Variants in CLPB observed in about 807,000 individuals in gnomAD.
The protein encoded by CLPB is mitochondrial disaggregase.
In CLPB, 40 loss-of-function variants were observed where a neutral mutation model predicts 78.4. That is an observed-to-expected ratio of 0.51 (90% CI 0.40 to 0.66). CLPB has a LOEUF of 0.66. CLPB is among the 30% of genes least tolerant of loss of function. The pLI, the probability that CLPB is intolerant of heterozygous loss-of-function variation, is 0.00. For synonymous variants in CLPB, 333 were observed against 348.0 expected (o/e 0.96, Z 0.48); for missense variants, 780 against 886.9 (o/e 0.88, Z 1.53).
intron 9 of CLPB, 25 bp downstream of exon 9, chr11:72,307,174 A>G: frequency 3.7e-6 from 6 of 1,610,650 alleles, no homozygotes; most frequent in Non-Finnish European, 3.4e-6. Flanking sequence ...CGATCTGCAG[A>G]TCAGACCTAG....
At chr11:72,359,170 A>G (rs1342182251) in intron 4 of CLPB, 162 bp from the exon 5 acceptor site, 3 of 1,021,898 alleles carry the variant, frequency 2.9e-6, no homozygotes, top group East Asian at 2.5e-5. Context: ...GGGTAAGAAG[A>G]GGCAAAACAG....
Position 72,308,561 on chromosome 11 carries a change from A to C in CLPB, c.1032T>G (p.Pro344=). Residue 344 remains proline (P), a synonymous_variant, in exon 8 of 16, where the codon CCT becomes CCG. Transcript: ENST00000538039. ...KENGWYDEEH[P]LVFLFLGSSG... Reference sequence around the variant, plus strand: ...ATGATCCCAAGAAGAGGAAGACCAGAGGGTGTTCTTCATCGTACCAGCCAT... The same window carrying C: ...ATGATCCCAAGAAGAGGAAGACCAGCGGGTGTTCTTCATCGTACCAGCCAT... The C allele has an allele frequency of 6.2e-7, 1 of 1,614,180 alleles. No individual in the cohort carries two copies. Among genetic ancestry groups the C allele is most frequent in the Non-Finnish European group, 8.5e-7 (1 of 1,180,002 alleles).
At chr11:72,354,620 A>T (rs1421203441) in intron 5 of CLPB, 12 of 334,466 alleles carry the variant, frequency 3.6e-5, no homozygotes, top group Non-Finnish European at 2.1e-5. Flanking sequence ...CTCCCACCAC[A>T]CCTGCATTCA....
chr11:72,333,690 C>A (rs543305666), intron 5 of CLPB, among the ~76,000 whole-genome samples: 3 of 152,122 alleles, frequency 2.0e-5, no homozygotes, highest in East Asian at 1.9e-4. Context: ...GAGGGACAGG[C>A]GGCACTGGGG....
At chr11:72,395,828 C>T (rs764161377) in intron 3 of CLPB, among the ~76,000 whole-genome samples, 36 of 152,310 alleles carry the variant, frequency 2.4e-4, no homozygotes, top group Non-Finnish European at 3.4e-4. Flanking sequence ...ACCTGCTCCA[C>T]GTATAGCTAG....
At chr11:72,365,418 G>C (rs1443232926) in intron 4 of CLPB, among the ~76,000 whole-genome samples, 1 of 152,234 alleles carries the variant, frequency 6.6e-6, no homozygotes, top group Non-Finnish European at 1.5e-5. Flanking sequence ...GCTGGGAATA[G>C]TTGAAGAGAA....
chr11:72,293,279 G>T lies in CLPB; in HGVS notation c.*88C>A. ...CTGAGACTGGGTAGAGATGGGAGCG[G>T]CATGAGGGGAAGGTAAGTCAGTTGC... On this transcript the variant is annotated 3_prime_UTR_variant, in exon 16 of 16. Coordinates refer to ENST00000538039, the MANE Select transcript of CLPB (RefSeq NM_001258392.3). 1 of 1,496,972 alleles carries T rather than the reference G, an allele frequency of 6.7e-7. No homozygotes were observed. The highest frequency in any genetic ancestry group is 1.8e-5 in the Admixed American group (1 of 55,994). The allele number at this position is 1,496,972 out of a possible 1,614,324, so 92.7% of individuals were successfully genotyped here.
At position 72,312,126 on chromosome 11, in the gene CLPB, T is replaced by G. The variant is rs944254488; in HGVS notation, c.989-3522A>C. ...GACTTTAAATAAAACACTTATTCCT[T>G]TAGAGCCTCCGTTTCTTCCTCTATA... On this transcript the variant is annotated intron_variant, in intron 7 of 15. Coordinates refer to ENST00000538039, the MANE Select transcript of CLPB (RefSeq NM_001258392.3). This position sits in a 1 kb window ranked among gnomAD's most constrained non-coding sequence, Gnocchi z 4.2. Among the ~76,000 whole-genome samples, 1 of 152,192 alleles carries G rather than the reference T, an allele frequency of 6.6e-6. No homozygotes were observed. Among genetic ancestry groups the G allele is most frequent in the Non-Finnish European group, 1.5e-5 (1 of 68,034 alleles).
chr11:72,295,509 C>T lies in CLPB; in HGVS notation c.1469G>A (p.Arg490His), dbSNP rs568455218. The change falls in exon 12 of 16, where the codon CGT (arginine) becomes CAT (histidine). Residue 490 changes from arginine to histidine, a missense_variant. Arg to His is a conservative substitution (Grantham distance 29, BLOSUM62 0). Transcript: ENST00000538039. ...CGCCATACCCAGGTTTTCGGCAATA[C>T]GGTTACGGCTCATCTCCAAAGCTTC... ...RQEALEMSRNRIAENLGDVQI... is the reference protein window; with the variant it reads ...RQEALEMSRNHIAENLGDVQI... The T allele has an allele frequency of 2.1e-5, 34 of 1,614,070 alleles. No homozygotes were observed. The highest frequency in any genetic ancestry group is 1.2e-4 in the South Asian group (11 of 91,068).
At chr11:72,369,540 T>C (rs1485257598) in intron 4 of CLPB, among the ~76,000 whole-genome samples, 1 of 152,110 alleles carries the variant, frequency 6.6e-6, no homozygotes, top group Non-Finnish European at 1.5e-5. Context: ...ACTTGGTTGG[T>C]CAAACTTGGT....
At chr11:72,426,520 G>T (rs1856378966) in intron 2 of CLPB, among the ~76,000 whole-genome samples, 2 of 151,942 alleles carry the variant, frequency 1.3e-5, no homozygotes, top group African/African-American at 4.8e-5. Context: ...AGGGGAGAAG[G>T]GAGGAAATGG....
At chr11:72,341,605 G>A (rs1215288234) in intron 5 of CLPB, among the ~76,000 whole-genome samples, 1 of 152,176 alleles carries the variant, frequency 6.6e-6, no homozygotes, top group Non-Finnish European at 1.5e-5. Context: ...AAGTGAATGA[G>A]GACAGGTTTG....
chr11:72,295,353 A>G (rs543475536), intron 12 of CLPB, 139 bp downstream of exon 12: 3 of 818,982 alleles, frequency 3.7e-6, no homozygotes, highest in South Asian at 1.9e-5. Context: ...ATGGTGTCTG[A>G]TATCTGCTCA....
At position 72,434,499 on chromosome 11, in the gene CLPB, G is replaced by A; in HGVS notation, c.-25C>T. ...TCTTGACAGCTGCTTCGATAACCCC[G>A]TGGTGCCGGCCCCTGTGCTGACCAC... On this transcript the variant is annotated 5_prime_UTR_variant, in exon 1 of 16. It adds an upstream start codon to the 5' untranslated region. Coordinates refer to ENST00000538039, the MANE Select transcript of CLPB (RefSeq NM_001258392.3). The A allele has an allele frequency of 6.6e-7, 1 of 1,521,322 alleles. No homozygotes were observed. The highest frequency in any genetic ancestry group is 8.8e-7 in the Non-Finnish European group (1 of 1,134,012). The allele number at this position is 1,521,322 out of a possible 1,614,324, so 94.2% of individuals were successfully genotyped here.
chr11:72,396,641 A>T (rs1203254607), intron 3 of CLPB, among the ~76,000 whole-genome samples: 2 of 152,230 alleles, frequency 1.3e-5, no homozygotes, highest in Non-Finnish European at 2.9e-5. Flanking sequence ...TACACTACTC[A>T]TAAAGTGAAT....
chr11:72,286,054 C>T lies in CLPB; in HGVS notation c.*7313G>A, dbSNP rs1949383431. The T allele has an allele frequency of 6.6e-6, 1 of 151,072 alleles. No homozygotes were observed. Among genetic ancestry groups the T allele is most frequent in the Non-Finnish European group, 1.5e-5 (1 of 67,844 alleles). 9.4% of individuals were successfully genotyped at this position (151,072 alleles called of 1,614,324 possible). On this transcript the variant is annotated 3_prime_UTR_variant, in exon 16 of 16. Coordinates refer to ENST00000538039, the MANE Select transcript of CLPB (RefSeq NM_001258392.3). ...TCCAGTTATATTCCCACCTCAGCCT[C>T]CCAAGTAGCTGAGACCACAGGTGGA...
chr11:72,327,144 AG>A (rs1950146768), intron 6 of CLPB, among the ~76,000 whole-genome samples: 1 of 152,202 alleles, frequency 6.6e-6, no homozygotes, highest in African/African-American at 2.4e-5. Flanking sequence ...CCTCTAAGGC[AG>A]CCCCTCCATG....
chr11:72,303,318 T>C (rs1949692678), intron 9 of CLPB, among the ~76,000 whole-genome samples: 1 of 152,112 alleles, frequency 6.6e-6, no homozygotes, highest in African/African-American at 2.4e-5. Flanking sequence ...CAGCGGGAGG[T>C]AGCTATGTCT....
chr11:72,388,061 G>A (rs1855136596), intron 3 of CLPB, among the ~76,000 whole-genome samples: 1 of 152,120 alleles, frequency 6.6e-6, no homozygotes, highest in African/African-American at 2.4e-5. Flanking sequence ...AACCACGTAT[G>A]TTGCCCTTGG....
Sources: allele counts gnomAD v4.1 joint callset (sites outside exome capture counted in the v4.1 genomes callset), GRCh38; gene constraint gnomAD v4.1.1; non-coding constraint Gnocchi (gnomAD v3.1); transcripts MANE v1.5; gene names NCBI Gene and HGNC (gene_info 2026-07-23, HGNC 2026-07-21).